Variants in GAS2 observed in about 807,000 individuals in gnomAD.
GAS2 encodes the protein growth arrest-specific protein 2.
Under a neutral mutation model 37.5 loss-of-function variants are expected in GAS2, and 20 were observed. The observed-to-expected ratio is 0.53, with a 90% confidence interval of 0.37 to 0.77. GAS2 has a LOEUF of 0.77. Among genes scored for constraint, GAS2 ranks in the 30% least tolerant of loss-of-function variants. The pLI, the probability that GAS2 is intolerant of heterozygous loss-of-function variation, is 0.00. For synonymous variants in GAS2, 144 were observed against 132.2 expected (o/e 1.09, Z -0.61); for missense variants, 336 against 373.4 (o/e 0.90, Z 0.82).
chr11:22,750,350 T>G (rs185955762), intron 6 of GAS2, among the ~76,000 whole-genome samples: 1 of 152,212 alleles, frequency 6.6e-6, no homozygotes, highest in East Asian at 1.9e-4. Context: ...CTTTTCTCCA[T>G]GTGACACGAT....
intron 3 of GAS2, among the ~76,000 whole-genome samples, chr11:22,707,701 G>T (rs1851194610): frequency 6.6e-6 from 1 of 152,150 alleles, no homozygotes; most frequent in Admixed American, 6.6e-5. Flanking sequence ...AAATATTAAT[G>T]CTGGAAAAAT....
At chr11:22,773,386 CTTTTTTTTTTTTTT>C (rs34014416) in intron 7 of GAS2, among the ~76,000 whole-genome samples, 1 of 64,956 alleles carries the variant, frequency 1.5e-5, no homozygotes, top group African/African-American at 5.6e-5. Flanking sequence ...ACACCTCAAT[CTTTTTTTTTTTTTT>C]TTTTTTTTTT....
chr11:22,791,610 C>T (rs1856166799), intron 7 of GAS2, among the ~76,000 whole-genome samples: 1 of 152,052 alleles, frequency 6.6e-6, no homozygotes, highest in Admixed American at 6.5e-5. Flanking sequence ...TGGCTAGATA[C>T]TAGGGAGAAT....
chr11:22,768,822 T>C (rs1854828681), intron 7 of GAS2, among the ~76,000 whole-genome samples: 1 of 152,326 alleles, frequency 6.6e-6, no homozygotes, highest in African/African-American at 2.4e-5. Flanking sequence ...TAAGATCTCA[T>C]TTAAAGGCAG....
chr11:22,703,436 G>A (rs1850945884), intron 3 of GAS2, among the ~76,000 whole-genome samples: 1 of 152,172 alleles, frequency 6.6e-6, no homozygotes, highest in Non-Finnish European at 1.5e-5. Flanking sequence ...AAAATGAGCT[G>A]TTACTAAATG....
chr11:22,780,286 G>C (rs532519600), intron 7 of GAS2, among the ~76,000 whole-genome samples: 6 of 152,226 alleles, frequency 3.9e-5, no homozygotes, highest in Admixed American at 2.0e-4. Flanking sequence ...CACGAGGTCA[G>C]GAGATCGAGA....
At chr11:22,698,979 T>C (rs1850687007) in intron 3 of GAS2, among the ~76,000 whole-genome samples, 1 of 152,210 alleles carries the variant, frequency 6.6e-6, no homozygotes, top group Non-Finnish European at 1.5e-5. Flanking sequence ...TCTTATTTTG[T>C]GTTTATAATT....
intron 3 of GAS2, among the ~76,000 whole-genome samples, chr11:22,687,036 A>G (rs1849994968): frequency 6.6e-6 from 1 of 152,134 alleles, no homozygotes. Context: ...AAAAATGCTG[A>G]GAGCTGGGCT....
intron 7 of GAS2, among the ~76,000 whole-genome samples, chr11:22,772,477 G>A (rs1855031114): frequency 6.6e-6 from 1 of 152,146 alleles, no homozygotes; most frequent in Non-Finnish European, 1.5e-5. Flanking sequence ...AGGGGTGTGT[G>A]TATTGGACTA....
At chr11:22,766,734 G>A (rs1424332540) in intron 7 of GAS2, among the ~76,000 whole-genome samples, 2 of 152,082 alleles carry the variant, frequency 1.3e-5, no homozygotes, top group Admixed American at 1.3e-4. Context: ...TGCTTGAAAA[G>A]TCTTCCAGAA....
intron 3 of GAS2, among the ~76,000 whole-genome samples, chr11:22,710,456 A>G (rs1411096317): frequency 6.6e-6 from 1 of 151,272 alleles, no homozygotes; most frequent in East Asian, 2.0e-4. Flanking sequence ...GAAATGAAAA[A>G]TTCAAGATAT....
intron 7 of GAS2, among the ~76,000 whole-genome samples, chr11:22,780,292 C>G (rs1399596639): frequency 7.2e-5 from 11 of 151,932 alleles, no homozygotes. Flanking sequence ...GTCAGGAGAT[C>G]GAGACCATCC....
At chr11:22,699,361 G>A (rs1850710081) in intron 3 of GAS2, among the ~76,000 whole-genome samples, 1 of 152,096 alleles carries the variant, frequency 6.6e-6, no homozygotes, top group Non-Finnish European at 1.5e-5. Flanking sequence ...GCCTTGTGGG[G>A]AATCAGGTGA....
intron 4 of GAS2, chr11:22,731,433 A>G (rs113114345): frequency 2.6e-4 from 99 of 387,258 alleles, no homozygotes; most frequent in African/African-American, 2.0e-3. Context: ...AATGTGTGTG[A>G]TTTGTTTGAG....
At position 22,758,913 on chromosome 11, in the gene GAS2, CA is replaced by C. The variant is rs66871964; in HGVS notation, c.723+2974del. 3.0e-4 allele frequency among the ~76,000 whole-genome samples: 22 copies of C among 73,310 alleles called. 1 individual carries two copies. In the East Asian group the frequency reaches 5.0e-3, roughly 17 times the overall value. 48.1% of individuals were successfully genotyped at this position (73,310 alleles called of 152,430 possible). On this transcript the variant is annotated intron_variant, in intron 7 of 7. Transcript: ENST00000454584. ...GGACAACAAGAGCAAAACTCCGTCT[CA>C]AAAAAAAAAAAAAGAGAAAGTCATA... is the stretch of plus-strand genomic sequence containing the variant.
intron 1 of GAS2, among the ~76,000 whole-genome samples, chr11:22,646,481 C>T (rs337503): frequency 1 from 151,818 of 152,312 alleles, 75,667 homozygotes; most frequent in Middle Eastern, 1. Context: ...TTTAAATCTA[C>T]CTATGTGTTT....
intron 7 of GAS2, among the ~76,000 whole-genome samples, chr11:22,806,780 G>A (rs1355774702): frequency 6.6e-6 from 1 of 152,154 alleles, no homozygotes; most frequent in African/African-American, 2.4e-5. Context: ...TATATCCCCA[G>A]ACAGGGCCAC....
chr11:22,729,080 G>T (rs1461664333), intron 4 of GAS2, among the ~76,000 whole-genome samples: 3 of 151,330 alleles, frequency 2.0e-5, no homozygotes, highest in African/African-American at 7.3e-5. Flanking sequence ...CACAGAAGAT[G>T]AAGCACATCC....
chr11:22,706,191 G>C (rs1031996574), intron 3 of GAS2, among the ~76,000 whole-genome samples: 3 of 152,114 alleles, frequency 2.0e-5, no homozygotes, highest in Admixed American at 6.6e-5. Context: ...AACATTAGCA[G>C]TGTAGAGAAT....
Sources: gnomAD v4.1 joint callset for allele counts (sites outside exome capture counted in the v4.1 genomes callset) on GRCh38, gnomAD v4.1.1 for gene constraint, MANE v1.5 for transcripts, NCBI Gene and HGNC (gene_info 2026-07-23, HGNC 2026-07-21) for gene names.